PCDH11X: variants seen among roughly 807,000 people sequenced by gnomAD.
PCDH11X encodes the protein protocadherin-11 X-linked.
PCDH11X carries 18 observed loss-of-function variants against 53.3 expected under a neutral mutation model. The observed-to-expected ratio is 0.34, with a 90% CI of 0.23 to 0.50. PCDH11X has a LOEUF of 0.50. Ranked by LOEUF, PCDH11X falls within the 20% of genes least tolerant of loss-of-function variation. The probability of loss-of-function intolerance (pLI) is 0.98; values close to 1 mark genes in which losing one functional copy is unlikely to be tolerated. For synonymous variants in PCDH11X, 279 were observed against 393.3 expected (o/e 0.71, Z 3.44); for missense variants, 570 against 1,032.4 (o/e 0.55, Z 6.14).
intron 7 of PCDH11X, among the ~76,000 whole-genome samples, chrX:92,239,072 A>G (rs2067219610): frequency 9.0e-6 from 1 of 111,069 alleles, no homozygotes; most frequent in South Asian, 3.7e-4. Flanking sequence ...ATTTTCATCC[A>G]TTGCTCATTC....
intron 10 of PCDH11X, among the ~76,000 whole-genome samples, chrX:92,549,799 A>G (rs1460466129): frequency 9.0e-6 from 1 of 111,264 alleles, no homozygotes; most frequent in Non-Finnish European, 1.9e-5. Flanking sequence ...CAGCATATGT[A>G]TTTTTATTTA....
intron 6 of PCDH11X, among the ~76,000 whole-genome samples, chrX:92,141,048 T>C (rs2148216020): frequency 9.0e-6 from 1 of 111,693 alleles, no homozygotes; most frequent in Non-Finnish European, 1.9e-5. Flanking sequence ...TGTATCTGTA[T>C]ACAATGCCAC....
intron 7 of PCDH11X, among the ~76,000 whole-genome samples, chrX:92,208,876 C>T (rs776323560): frequency 9.1e-6 from 1 of 110,410 alleles, no homozygotes; most frequent in South Asian, 4.0e-4. Flanking sequence ...CCTCAAGAAA[C>T]TTACAATCAT....
At chrX:92,494,522 T>G (rs373618913) in intron 10 of PCDH11X, among the ~76,000 whole-genome samples, 3 of 111,532 alleles carry the variant, frequency 2.7e-5, no homozygotes, top group African/African-American at 9.8e-5. Flanking sequence ...CCACTTTGTT[T>G]CAGGAAAGAG....
At chrX:92,309,648 GTAAAT>G (rs766448952) in intron 8 of PCDH11X, among the ~76,000 whole-genome samples, 27 of 111,824 alleles carry the variant, frequency 2.4e-4, no homozygotes, top group Non-Finnish European at 2.4e-4. Context: ...GGTTAAAATT[GTAAAT>G]TTTATGTTAT....
At chrX:92,174,727 T>G (rs1359611901) in intron 6 of PCDH11X, among the ~76,000 whole-genome samples, 1 of 111,888 alleles carries the variant, frequency 8.9e-6, no homozygotes, top group Non-Finnish European at 1.9e-5. Context: ...CATGTTTTAC[T>G]TATATTTCTG....
At chrX:91,882,985 C>T (rs773447706) in intron 6 of PCDH11X, 111 of 1,156,760 alleles carry the variant, frequency 9.6e-5, no homozygotes, top group Non-Finnish European at 1.2e-4. Context: ...ATTCCCCTTC[C>T]AAAAAATTTC....
intron 9 of PCDH11X, among the ~76,000 whole-genome samples, chrX:92,428,154 T>A (rs1240085900): frequency 9.3e-6 from 1 of 108,082 alleles, no homozygotes; most frequent in Admixed American, 1.0e-4. Context: ...AGAATATATG[T>A]GTGCATCAAA....
chrX:92,250,991 T>C (rs2067450812), intron 7 of PCDH11X, among the ~76,000 whole-genome samples: 1 of 110,992 alleles, frequency 9.0e-6, no homozygotes, highest in Admixed American at 9.7e-5. Context: ...GTAGGTGAAT[T>C]GTACGGTATG....
intron 6 of PCDH11X, among the ~76,000 whole-genome samples, chrX:92,120,155 CTTT>C (rs764997941): frequency 1.3e-3 from 80 of 60,694 alleles, no homozygotes; most frequent in Admixed American, 4.5e-3. Context: ...ACTTTTCTTT[CTTT>C]TTTTTTTTTT....
intron 7 of PCDH11X, among the ~76,000 whole-genome samples, chrX:92,222,144 A>AT (rs67936112): frequency 0.57 from 59,849 of 105,005 alleles, 14,824 homozygotes; most frequent in Non-Finnish European, 0.77. Context: ...TCTTCAATAG[A>AT]TTTTTTTTTT....
chrX:92,574,997 G>A (rs2556696), intron 10 of PCDH11X, among the ~76,000 whole-genome samples: 4,301 of 110,237 alleles, frequency 0.039, 245 homozygotes, highest in African/African-American at 0.14. Flanking sequence ...GTAAAAGTGC[G>A]CTGCTTTTGG....
At chrX:92,487,554 A>T (rs933514173) in intron 10 of PCDH11X, among the ~76,000 whole-genome samples, 3 of 111,121 alleles carry the variant, frequency 2.7e-5, no homozygotes, top group Non-Finnish European at 3.8e-5. Flanking sequence ...AATCCTCATT[A>T]AAAAAAGAGT....
intron 6 of PCDH11X, among the ~76,000 whole-genome samples, chrX:91,884,439 A>G (rs942383648): frequency 4.5e-5 from 5 of 110,961 alleles, no homozygotes; most frequent in Non-Finnish European, 9.4e-5. Flanking sequence ...TTTTATCCCA[A>G]CTTTGAAACT....
At chrX:92,366,401 C>A (rs2070473665) in intron 8 of PCDH11X, among the ~76,000 whole-genome samples, 1 of 110,414 alleles carries the variant, frequency 9.1e-6, no homozygotes, top group Non-Finnish European at 1.9e-5. Flanking sequence ...GTCTAGCTAG[C>A]AGTCTATCTG....
chrX:92,381,774 A>T (rs1412321453), intron 8 of PCDH11X, among the ~76,000 whole-genome samples: 2 of 111,966 alleles, frequency 1.8e-5, no homozygotes, highest in East Asian at 5.6e-4. Flanking sequence ...TATTTTGCAA[A>T]TATAAAGGAG....
intron 8 of PCDH11X, among the ~76,000 whole-genome samples, chrX:92,337,686 G>A (rs1162703205): frequency 1.8e-5 from 2 of 111,134 alleles, no homozygotes; most frequent in African/African-American, 3.3e-5. Flanking sequence ...GAGTAAGTCT[G>A]TTTCAGTAAT....
chrX:92,415,906 C>G (rs1267969001), intron 9 of PCDH11X, among the ~76,000 whole-genome samples: 7 of 111,553 alleles, frequency 6.3e-5, no homozygotes, highest in African/African-American at 1.9e-4. Flanking sequence ...TACACTTTAT[C>G]TTTGAAGATT....
chrX:92,259,177 C>T (rs1027561707), intron 7 of PCDH11X, among the ~76,000 whole-genome samples: 8 of 111,253 alleles, frequency 7.2e-5, no homozygotes, highest in Non-Finnish European at 1.1e-4. Context: ...CAACCTCTGC[C>T]TGTTACCAAA....
Sources: allele counts gnomAD v4.1 joint callset (sites outside exome capture counted in the v4.1 genomes callset), GRCh38; gene constraint gnomAD v4.1.1; transcripts MANE v1.5; gene names NCBI Gene and HGNC (gene_info 2026-07-23, HGNC 2026-07-21).